The following MLX variants were observed in gnomAD, a reference collection of about 807,000 sequenced individuals.
The protein encoded by MLX is max-like protein X.
In MLX, 15 loss-of-function variants were observed where a neutral mutation model predicts 33.0. That is an observed-to-expected ratio of 0.45 (90% CI 0.30 to 0.70). MLX has a LOEUF of 0.70. MLX is among the 30% of genes least tolerant of loss of function. The pLI, the probability that MLX is intolerant of heterozygous loss-of-function variation, is 0.07. For missense variants in MLX, 285 were observed against 306.3 expected (o/e 0.93, Z 0.52); for synonymous variants, 115 against 115.6 (o/e 0.99, Z 0.03).
intron 2 of MLX, 90 bp from the exon 3 acceptor site, chr17:42,568,380 T>G: frequency 2.3e-6 from 2 of 859,890 alleles, no homozygotes; most frequent in Non-Finnish European, 3.7e-6. Context: ...AATAAATAAA[T>G]AAAAGAAAGC....
In MLX at chr17:42,568,897, G is replaced by A. The variant is rs2093020044; in HGVS notation, c.230G>A (p.Arg77Gln). 3 of 1,611,446 alleles carry A rather than the reference G, an allele frequency of 1.9e-6. No individual in the cohort carries two copies. Among genetic ancestry groups the A allele is most frequent in the Non-Finnish European group, 8.5e-7 (1 of 1,178,726 alleles). The change falls in exon 4 of 8, where the codon CGG (arginine) becomes CAG (glutamine). Residue 77 changes from arginine (R) to glutamine (Q), a missense_variant. Coordinates refer to ENST00000435881, the MANE Select transcript of MLX (RefSeq NM_198204.2). ...AYKESYKDRR[R>Q]RAHTQAEQKR... ...AAGGAGTCCTACAAAGACCGGCGGC[G>A]GCGCGCACACACTCAGGCTGAGCAG...
chr17:42,567,233 G>A lies in MLX; in HGVS notation c.42+67G>A, dbSNP rs75782551. On this transcript the variant is annotated intron_variant, in intron 1 of 7. Coordinates refer to ENST00000435881, the MANE Select transcript of MLX (RefSeq NM_198204.2). ...TCGGGCTCGTGCACGTAGGGGGGCC[G>A]GAAGACGAGGGGCTTCCCTCCTGTC... 7.6e-7 allele frequency: 1 copy of A among 1,311,846 alleles called. No individual in the cohort carries two copies. Among genetic ancestry groups the A allele is most frequent in the East Asian group, 2.9e-5 (1 of 34,124 alleles). 81.3% of individuals were successfully genotyped at this position (1,311,846 alleles called of 1,614,324 possible). A position where few individuals can be genotyped will look rare whatever the true frequency, so the allele number is the denominator to read the frequency against.
chr17:42,570,510 G>A (rs1029072896), intron 7 of MLX, among the ~76,000 whole-genome samples: 1 of 152,048 alleles, frequency 6.6e-6, no homozygotes, highest in Admixed American at 6.6e-5. Flanking sequence ...CTACCTTTAG[G>A]CCCCCTAAAG....
In MLX at chr17:42,571,603, A is replaced by G; in HGVS notation, c.735A>G (p.Ter245TrpextTer21). 2 of 1,614,064 alleles carry G rather than the reference A, an allele frequency of 1.2e-6. No homozygotes were observed. The highest frequency in any genetic ancestry group is 1.7e-6 in the Non-Finnish European group (2 of 1,179,974). The change falls in exon 8 of 8, where the codon TGA becomes TGG. Residue 245 changes from the stop codon to tryptophan (W), a stop_lost. Transcript: ENST00000435881. Reference protein sequence around the residue: ...VLHQLKNQLY* With the variant: ...VLHQLKNQLYW ...ACCAATTGAAAAACCAGCTTTACTG[A>G]CCGGTTCTTGGAAACCTGGAGAACA...
intron 6 of MLX, 132 bp downstream of exon 6, chr17:42,569,738 CT>C: frequency 1.3e-6 from 1 of 771,806 alleles, no homozygotes. Context: ...GCCAGTAGGA[CT>C]GTGTATCCCC....
At position 42,567,848 on chromosome 17, in the gene MLX, C is replaced by T. The variant is rs548629292; in HGVS notation, c.79+193C>T. On this transcript the variant is annotated intron_variant, in intron 2 of 7. Transcript: ENST00000435881. Reference sequence around the variant, plus strand: ...ACACCTAGTTCCCTCTGCTCTGGAACAGGGAAGTGGTGGAACTGATCACTC... The same window carrying T: ...ACACCTAGTTCCCTCTGCTCTGGAATAGGGAAGTGGTGGAACTGATCACTC... 430 of 674,082 alleles carry T rather than the reference C, an allele frequency of 6.4e-4. 2 individuals carry two copies. The African/African-American group carries it at 6.9e-3, about 11-fold the overall frequency. The allele number at this position is 674,082 out of a possible 1,614,324, so 41.8% of individuals were successfully genotyped here.
chr17:42,570,151 T>C lies in MLX; in HGVS notation c.646T>C (p.Phe216Leu). ...CTTCCAGGAGCTGTCAGCGTGTGTC[T>C]TCAGCTGGATCGAGGAGCACTGTAA... ...ASFQELSACV[F>L]SWIEEHCKPQ... The change falls in exon 7 of 8, where the codon TTC (phenylalanine) becomes CTC (leucine). Residue 216 changes from phenylalanine to leucine, a missense_variant. Phe to Leu is a conservative substitution (Grantham distance 22). Transcript: ENST00000435881. The C allele has an allele frequency of 6.2e-7, 1 of 1,614,006 alleles. No individual in the cohort carries two copies. Among genetic ancestry groups the C allele is most frequent in the Non-Finnish European group, 8.5e-7 (1 of 1,180,028 alleles).
chr17:42,567,879 T>A, intron 2 of MLX: 1 of 600,102 alleles, frequency 1.7e-6, no homozygotes, highest in African/African-American at 1.9e-5. Context: ...CACTCACCAC[T>A]CAGTGGAGCA....
intron 2 of MLX, chr17:42,567,953 G>A: frequency 3.8e-6 from 2 of 521,934 alleles, no homozygotes; most frequent in Non-Finnish European, 6.9e-6. Context: ...GTATCATGCA[G>A]GCCTATGGAG....
At chr17:42,569,919 C>T (rs567315126) in intron 6 of MLX, 63 bp from the exon 7 acceptor site, 46 of 1,483,344 alleles carry the variant, frequency 3.1e-5, no homozygotes, top group Middle Eastern at 2.3e-4. Flanking sequence ...AGGATAGTCC[C>T]GTCATTCTTC....
At position 42,568,853 on chromosome 17, in the gene MLX, T is replaced by C; in HGVS notation, c.186T>C (p.Asp62=). The change falls in exon 4 of 8, where the codon GAT becomes GAC. Residue 62 remains aspartate (D), a synonymous_variant. Transcript: ENST00000435881. ...SVPNTDDEDS[D]YHQEAYKESY... ...TGAGCGTAGATGATGAGGACAGTGA[T>C]TACCACCAGGAGGCCTACAAGGAGT... 2 of 1,609,664 alleles carry C rather than the reference T, an allele frequency of 1.2e-6. No individual in the cohort carries two copies. The highest frequency in any genetic ancestry group is 2.2e-5 in the East Asian group (1 of 44,770).
Position 42,572,059 on chromosome 17 carries a change from G to A in MLX, c.*456G>A, listed in dbSNP as rs1238764717. 1 of 258,648 alleles carries A rather than the reference G, an allele frequency of 3.9e-6. No individual in the cohort carries two copies. Among genetic ancestry groups the A allele is most frequent in the African/African-American group, 2.3e-5 (1 of 43,898 alleles). 16.0% of individuals were successfully genotyped at this position (258,648 alleles called of 1,614,324 possible). On this transcript the variant is annotated 3_prime_UTR_variant, in exon 8 of 8. Transcript: ENST00000435881. ...GGGCATTTTGGCAGTAGCTGTATGG[G>A]AGAAAAAGAGTAAGAGGAAATATTC... is the stretch of plus-strand genomic sequence containing the variant.
Position 42,573,148 on chromosome 17 carries a change from C to T in MLX, c.*1545C>T. ...CTCTTGGGGTATCCTTCAAGTATTG[C>T]ATCAGACAGCTCTGTAGCCTGACAA... is the stretch of plus-strand genomic sequence containing the variant. On this transcript the variant is annotated 3_prime_UTR_variant, in exon 8 of 8. Coordinates refer to ENST00000435881, the MANE Select transcript of MLX (RefSeq NM_198204.2). 1 of 1,614,216 alleles carries T rather than the reference C, an allele frequency of 6.2e-7. No homozygotes were observed. Among genetic ancestry groups the T allele is most frequent in the Non-Finnish European group, 8.5e-7 (1 of 1,180,034 alleles).
At chr17:42,567,573 C>G (rs2093013557) in intron 1 of MLX, 46 bp from the exon 2 acceptor site, 1 of 1,613,240 alleles carries the variant, frequency 6.2e-7, no homozygotes. Context: ...GCGCCTCCCC[C>G]TAGGGGCGGA....
chr17:42,569,081 C>T (rs2093020714), intron 4 of MLX, 123 bp from the exon 5 acceptor site: 1 of 1,257,724 alleles, frequency 8.0e-7, no homozygotes, highest in Non-Finnish European at 1.2e-6. Flanking sequence ...CAAACACCTC[C>T]CTTGCAGCCT....
chr17:42,570,166 G>A lies in MLX; in HGVS notation c.661G>A (p.Glu221Lys). The A allele has an allele frequency of 6.2e-7, 1 of 1,613,820 alleles. No individual in the cohort carries two copies. The highest frequency in any genetic ancestry group is 1.1e-5 in the South Asian group (1 of 91,054). ...AGCGTGTGTCTTCAGCTGGATCGAG[G>A]AGCACTGTAAGCCTCAGGTATGGGG... The part of the protein sequence containing the change: ...LSACVFSWIE[E>K]HCKPQTLREI... Residue 221 changes from glutamate to lysine, a missense_variant, in exon 7 of 8, where the codon GAG (glutamate) becomes AAG (lysine). Physicochemically the swap from Glu to Lys is moderately conservative, Grantham distance 56. Coordinates refer to ENST00000435881, the MANE Select transcript of MLX (RefSeq NM_198204.2).
At chr17:42,571,434 G>T in intron 7 of MLX, 113 bp from the exon 8 acceptor site, 6 of 1,177,490 alleles carry the variant, frequency 5.1e-6, no homozygotes, top group Non-Finnish European at 7.6e-6. Context: ...GCCCCCGGGG[G>T]GCTATTTTTA....
At chr17:42,570,237 G>A in intron 7 of MLX, 54 bp downstream of exon 7, 1 of 1,572,068 alleles carries the variant, frequency 6.4e-7, no homozygotes, top group Non-Finnish European at 8.7e-7. Flanking sequence ...ATCAAGCAAA[G>A]TGGCCCAAGC....
At chr17:42,567,694 C>A (rs1169796372) in intron 2 of MLX, 39 bp downstream of exon 2, 1 of 1,613,648 alleles carries the variant, frequency 6.2e-7, no homozygotes. Flanking sequence ...GAGGGACACT[C>A]CCGCCCAGGC....
Sources: gnomAD v4.1 joint callset for allele counts (sites outside exome capture counted in the v4.1 genomes callset) on GRCh38, gnomAD v4.1.1 for gene constraint, MANE v1.5 for transcripts, NCBI Gene and HGNC (gene_info 2026-07-23, HGNC 2026-07-21) for gene names.